Variants in THEM4 observed in about 807,000 individuals in gnomAD.
THEM4 encodes acyl-coenzyme A thioesterase THEM4.
THEM4 carries 22 observed loss-of-function variants against 25.0 expected under a neutral mutation model. That is an observed-to-expected ratio of 0.88 (90% CI 0.63 to 1.26). The LOEUF (loss-of-function observed/expected upper bound fraction) is 1.26, where lower values mean the gene tolerates loss of function less well. Among genes scored for constraint, THEM4 ranks in the 50% most tolerant of loss-of-function variants. The probability of loss-of-function intolerance (pLI) is 0.00; values close to 1 mark genes in which losing one functional copy is unlikely to be tolerated. For missense variants in THEM4, 286 were observed against 300.3 expected (o/e 0.95, Z 0.35); for synonymous variants, 113 against 105.6 (o/e 1.07, Z -0.43).
chr1:151,888,127 G>A (rs1558190742), intron 4 of THEM4, 146 bp downstream of exon 4: 8 of 573,686 alleles, frequency 1.4e-5, no homozygotes, highest in East Asian at 3.2e-5. Context: ...CATCTTCCCC[G>A]TCCTGCTTCT....
chr1:151,904,944 A>G (rs1300592690), intron 1 of THEM4, among the ~76,000 whole-genome samples: 1 of 152,210 alleles, frequency 6.6e-6, no homozygotes, highest in East Asian at 1.9e-4. Context: ...CACTATAATA[A>G]TGTAGAAATA....
In THEM4 at chr1:151,907,161, G is replaced by A. The variant is rs564342042; in HGVS notation, c.99+2199C>T. 2.8e-3 allele frequency among the ~76,000 whole-genome samples: 419 copies of A among 152,062 alleles called. 3 individuals are homozygous for A. Among genetic ancestry groups the A allele is most frequent in the African/African-American group, 9.8e-3 (408 of 41,460 alleles). On this transcript the variant is annotated intron_variant, in intron 1 of 5. Coordinates refer to ENST00000368814, the MANE Select transcript of THEM4 (RefSeq NM_053055.5). ...CCGGGAGGAACGAACAACTCCAGAC[G>A]TGCTGCCTTAAGAGCTATAACACTC...
intron 4 of THEM4, among the ~76,000 whole-genome samples, chr1:151,885,875 T>C (rs1407960253): frequency 6.6e-6 from 1 of 152,258 alleles, no homozygotes; most frequent in Non-Finnish European, 1.5e-5. Flanking sequence ...AGGCATCTGA[T>C]GATTAATTGA....
chr1:151,903,033 T>C (rs760425837), intron 1 of THEM4, among the ~76,000 whole-genome samples: 1 of 152,070 alleles, frequency 6.6e-6, no homozygotes, highest in Non-Finnish European at 1.5e-5. Flanking sequence ...ACGTCCTGGC[T>C]GAAAAAAAGG....
At chr1:151,904,783 G>C (rs1654421054) in intron 1 of THEM4, among the ~76,000 whole-genome samples, 1 of 152,176 alleles carries the variant, frequency 6.6e-6, no homozygotes, top group Admixed American at 6.5e-5. Flanking sequence ...AGTCTTGAAT[G>C]ATTATCTAGA....
intron 4 of THEM4, among the ~76,000 whole-genome samples, chr1:151,885,399 G>GT: frequency 6.6e-6 from 1 of 152,332 alleles, no homozygotes; most frequent in African/African-American, 2.4e-5. Flanking sequence ...GATTACAGGC[G>GT]TGAGCCACTG....
At chr1:151,891,154 T>C (rs1654083874) in intron 2 of THEM4, 1 of 152,242 alleles carries the variant, frequency 6.6e-6, no homozygotes, top group South Asian at 2.1e-4. Context: ...TCTGACCTTC[T>C]GAAGCAGAAC....
rs199585468 is a variant in THEM4, at chr1:151,895,108, G to A, written c.186C>T (p.Asp62=). 32 of 1,613,994 alleles carry A rather than the reference G, an allele frequency of 2.0e-5. No individual in the cohort carries two copies. The East Asian group carries it at 6.9e-4, about 35-fold the overall frequency. The change falls in exon 2 of 6, where the codon GAC becomes GAT. Residue 62 remains aspartate, a synonymous_variant. Transcript: ENST00000368814. The stretch of plus-strand genomic sequence containing the variant: ...CGTCTTCACATTTCTTCATAAACTG[G>A]TCAAAGAGCAGTCTTAGGTCCTTGT... ...SWNKDLRLLF[D]QFMKKCEDGS... is the part of the protein sequence containing the mutation.
intron 1 of THEM4, among the ~76,000 whole-genome samples, chr1:151,906,734 T>G (rs1344703161): frequency 1.3e-5 from 2 of 152,222 alleles, no homozygotes; most frequent in Non-Finnish European, 2.9e-5. Flanking sequence ...GGGTTGTGAA[T>G]GCACCAATCG....
chr1:151,873,165 C>A lies in THEM4; in HGVS notation c.*1723G>T, dbSNP rs1246700395. Among the ~76,000 whole-genome samples the A allele has an allele frequency of 1.3e-5, 2 of 152,190 alleles. No homozygotes were observed. The highest frequency in any genetic ancestry group is 2.9e-5 in the Non-Finnish European group (2 of 68,036). ...TGTTTGGGTGGAGAGAAGCATAAAT[C>A]TGGCCTACGTACACATCTGGGCATA... On this transcript the variant is annotated 3_prime_UTR_variant, in exon 6 of 6. Coordinates refer to ENST00000368814, the MANE Select transcript of THEM4 (RefSeq NM_053055.5).
intron 1 of THEM4, among the ~76,000 whole-genome samples, chr1:151,903,453 G>A (rs572387812): frequency 5.9e-5 from 9 of 152,274 alleles, no homozygotes; most frequent in African/African-American, 1.9e-4. Context: ...CCATTAAACT[G>A]ATATACTATA....
intron 1 of THEM4, 40 bp downstream of exon 1, chr1:151,909,320 G>A: frequency 2.7e-6 from 4 of 1,482,928 alleles, no homozygotes; most frequent in Non-Finnish European, 3.6e-6. Context: ...GTGTTTCTGA[G>A]TCCTGCTCCC....
intron 1 of THEM4, among the ~76,000 whole-genome samples, chr1:151,908,382 C>T (rs1016686590): frequency 1.2e-4 from 18 of 152,292 alleles, no homozygotes; most frequent in South Asian, 2.1e-4. Flanking sequence ...CATTGCATAG[C>T]TTCGTTTAGC....
intron 4 of THEM4, among the ~76,000 whole-genome samples, chr1:151,881,748 TC>T (rs1326545997): frequency 6.6e-6 from 1 of 152,230 alleles, no homozygotes; most frequent in Non-Finnish European, 1.5e-5. Context: ...GCTTTTAAGA[TC>T]TCTTTGTCTT....
chr1:151,875,054 C>T (rs1653644688), intron 5 of THEM4, 126 bp from the exon 6 acceptor site: 1 of 788,304 alleles, frequency 1.3e-6, no homozygotes, highest in Non-Finnish European at 2.2e-6. Context: ...GTCTATCTGT[C>T]CACTCTCATT....
chr1:151,874,800 G>C lies in THEM4; in HGVS notation c.*88C>G. The C allele has an allele frequency of 8.1e-7, 1 of 1,228,856 alleles. No individual in the cohort carries two copies. The highest frequency in any genetic ancestry group is 1.2e-6 in the Non-Finnish European group (1 of 831,096). 76.1% of individuals were successfully genotyped at this position (1,228,856 alleles called of 1,614,324 possible). A position where few individuals can be genotyped will look rare whatever the true frequency, so the allele number is the denominator to read the frequency against. ...CACTGTTGGCAGGCTTCTCCCTACA[G>C]GGATTCAGCAGTGAGGGAGCAGAGT... On this transcript the variant is annotated 3_prime_UTR_variant, in exon 6 of 6. Transcript: ENST00000368814.
At chr1:151,904,792 G>C (rs1654421160) in intron 1 of THEM4, among the ~76,000 whole-genome samples, 1 of 152,156 alleles carries the variant, frequency 6.6e-6, no homozygotes, top group African/African-American at 2.4e-5. Context: ...TGATTATCTA[G>C]AGCTGTGGCT....
rs771382862 is a variant in THEM4, at chr1:151,888,343, T to C, written c.487A>G (p.Thr163Ala). The change falls in exon 4 of 6, where the codon ACT becomes GCT. Residue 163 changes from threonine to alanine, a missense_variant. Coordinates refer to ENST00000368814, the MANE Select transcript of THEM4 (RefSeq NM_053055.5). ...GGAIATMIDATVGMCAMMAGG... is the reference protein window; with the variant it reads ...GGAIATMIDAAVGMCAMMAGG... The stretch of plus-strand genomic sequence containing the variant: ...GCCATCATTGCACACATACCAACAG[T>C]AGCATCAATCATGGTTGCAATGGCA... 1.1e-5 allele frequency: 17 copies of C among 1,613,366 alleles called. No individual in the cohort carries two copies. Among genetic ancestry groups the C allele is most frequent in the Non-Finnish European group, 1.4e-5 (16 of 1,179,718 alleles).
At chr1:151,904,804 T>A (rs1358309837) in intron 1 of THEM4, among the ~76,000 whole-genome samples, 5 of 152,128 alleles carry the variant, frequency 3.3e-5, no homozygotes, top group Non-Finnish European at 7.4e-5. Context: ...GCTGTGGCTT[T>A]GAAAACTAGG....
Sources: gnomAD v4.1 joint callset for allele counts (sites outside exome capture counted in the v4.1 genomes callset) on GRCh38, gnomAD v4.1.1 for gene constraint, MANE v1.5 for transcripts, NCBI Gene and HGNC (gene_info 2026-07-23, HGNC 2026-07-21) for gene names.